The following MYT1L variants were observed in gnomAD, a reference collection of about 807,000 sequenced individuals.
MYT1L encodes myelin transcription factor 1 like.
In MYT1L, 12 loss-of-function variants were observed where a neutral mutation model predicts 126.7. The observed-to-expected ratio is 0.09, with a 90% confidence interval of 0.06 to 0.15. The LOEUF is 0.15. MYT1L is among the 10% of genes least tolerant of loss of function. The pLI, the probability that MYT1L is intolerant of heterozygous loss-of-function variation, is 1.00. For missense variants in MYT1L, 979 were observed against 1,585.2 expected (o/e 0.62, Z 6.49); for synonymous variants, 541 against 604.2 (o/e 0.90, Z 1.53).
At chr2:1,907,223 C>A (rs1263409952) in intron 13 of MYT1L, among the ~76,000 whole-genome samples, 3 of 151,440 alleles carry the variant, frequency 2.0e-5, no homozygotes, top group African/African-American at 7.3e-5. Context: ...ACACTCCAGG[C>A]TATGGAATTC....
intron 5 of MYT1L, among the ~76,000 whole-genome samples, chr2:1,991,938 T>C (rs1173075298): frequency 1.3e-5 from 2 of 152,286 alleles, no homozygotes; most frequent in East Asian, 3.9e-4. Flanking sequence ...TCAGAGGACA[T>C]CATAGCTGCC....
chr2:2,183,366 A>C (rs1430661849), intron 2 of MYT1L, among the ~76,000 whole-genome samples: 1 of 152,098 alleles, frequency 6.6e-6, no homozygotes, highest in Non-Finnish European at 1.5e-5. Flanking sequence ...ATAAGTTCCC[A>C]CGGGAGGGGA....
intron 3 of MYT1L, among the ~76,000 whole-genome samples, chr2:2,097,241 G>A (rs901092329): frequency 6.6e-6 from 1 of 152,250 alleles, no homozygotes; most frequent in East Asian, 1.9e-4. Context: ...TTCCTGCTTT[G>A]CTACACGGCA....
chr2:2,116,399 C>T (rs187900967), intron 3 of MYT1L, among the ~76,000 whole-genome samples: 3 of 152,240 alleles, frequency 2.0e-5, no homozygotes, highest in African/African-American at 7.2e-5. Flanking sequence ...TCTGCCCTTG[C>T]TCCCAGGAGA....
At chr2:2,021,796 C>A (rs2065057211) in intron 4 of MYT1L, among the ~76,000 whole-genome samples, 1 of 152,088 alleles carries the variant, frequency 6.6e-6, no homozygotes, top group South Asian at 2.1e-4. Flanking sequence ...ACTCAGGAGG[C>A]TGAGGCAGGA....
rs2053054629 is a variant in MYT1L at position 1,917,724 on chromosome 2, C to T, written c.1484-385G>A. On this transcript the variant is annotated intron_variant, in intron 10 of 24. Transcript: ENST00000647738. The surrounding 1 kb of genome is among the most constrained non-coding windows in gnomAD (Gnocchi z 5.9). ...GTGCCATCATCATTCAGCAATTTTC[C>T]ATGAAATTCAACCAGAGAGTGTCAT... 6.6e-6 allele frequency among the ~76,000 whole-genome samples: 1 copy of T among 152,166 alleles called. No homozygotes were observed. Among genetic ancestry groups the T allele is most frequent in the Admixed American group, 6.5e-5 (1 of 15,282 alleles).
At chr2:2,330,197 G>T (rs1039992768) in intron 1 of MYT1L, among the ~76,000 whole-genome samples, 2 of 151,894 alleles carry the variant, frequency 1.3e-5, no homozygotes, top group African/African-American at 4.8e-5. Context: ...GAACAAAAAG[G>T]CTCTTATATA....
At chr2:2,136,323 T>C (rs1393205705) in intron 3 of MYT1L, among the ~76,000 whole-genome samples, 1 of 152,216 alleles carries the variant, frequency 6.6e-6, no homozygotes, top group African/African-American at 2.4e-5. Flanking sequence ...AGTTAATATG[T>C]TACCAAGGAG....
chr2:1,829,146 C>G (rs1440698609), intron 21 of MYT1L, among the ~76,000 whole-genome samples: 3 of 152,106 alleles, frequency 2.0e-5, no homozygotes, highest in African/African-American at 7.2e-5. Flanking sequence ...CGTTGGGCCT[C>G]TCACCTCTGG....
chr2:2,229,045 A>G (rs73179711), intron 2 of MYT1L, among the ~76,000 whole-genome samples: 3 of 152,140 alleles, frequency 2.0e-5, no homozygotes, highest in African/African-American at 7.2e-5. Flanking sequence ...GGTATTTTCT[A>G]TGCCTTTACA....
intron 8 of MYT1L, among the ~76,000 whole-genome samples, chr2:1,955,042 C>T (rs1160694504): frequency 6.6e-6 from 1 of 151,842 alleles, no homozygotes; most frequent in African/African-American, 2.4e-5. Context: ...ATCCCAGCTA[C>T]TCAGGAGGCT....
chr2:1,898,410 C>G (rs1210686885), intron 14 of MYT1L, among the ~76,000 whole-genome samples: 1 of 152,176 alleles, frequency 6.6e-6, no homozygotes, highest in Non-Finnish European at 1.5e-5. Flanking sequence ...AGCTTTCTAG[C>G]CTGTGGGATG....
intron 2 of MYT1L, among the ~76,000 whole-genome samples, chr2:2,264,311 G>A (rs553584607): frequency 1.3e-5 from 2 of 152,146 alleles, no homozygotes; most frequent in Admixed American, 1.3e-4. Flanking sequence ...GAGGCCCTGG[G>A]TCTGATGCCT....
intron 8 of MYT1L, among the ~76,000 whole-genome samples, chr2:1,966,581 A>G (rs1160066451): frequency 6.6e-6 from 1 of 152,136 alleles, no homozygotes; most frequent in Non-Finnish European, 1.5e-5. Context: ...ACGAAAAGAC[A>G]CAAACATTGT....
At chr2:1,999,873 G>C (rs898214970) in intron 4 of MYT1L, among the ~76,000 whole-genome samples, 1 of 152,180 alleles carries the variant, frequency 6.6e-6, no homozygotes, top group Admixed American at 6.5e-5. Flanking sequence ...TGAATGACAA[G>C]CAAAGTATGC....
intron 2 of MYT1L, among the ~76,000 whole-genome samples, chr2:2,174,681 T>TTA (rs1337791521): frequency 2.0e-5 from 3 of 152,076 alleles, no homozygotes; most frequent in African/African-American, 7.3e-5. Context: ...CTCAATCAGA[T>TTA]TATACTAAGG....
At chr2:2,033,913 G>A (rs2066705136) in intron 4 of MYT1L, among the ~76,000 whole-genome samples, 2 of 152,150 alleles carry the variant, frequency 1.3e-5, no homozygotes, top group South Asian at 4.1e-4. Flanking sequence ...TCACTCTAGA[G>A]TCAAGTCATG....
chr2:2,103,158 C>T (rs72767374), intron 3 of MYT1L, among the ~76,000 whole-genome samples: 56 of 152,278 alleles, frequency 3.7e-4, no homozygotes, highest in Non-Finnish European at 7.8e-4. Context: ...TCAAAGAAAT[C>T]TCTGCACGTG....
chr2:2,113,607 A>G (rs1394622693), intron 3 of MYT1L, among the ~76,000 whole-genome samples: 6 of 152,176 alleles, frequency 3.9e-5, no homozygotes, highest in Non-Finnish European at 7.3e-5. Flanking sequence ...AAACTGGGCC[A>G]CTTTTAAGTG....
Sources: allele counts gnomAD v4.1 joint callset (sites outside exome capture counted in the v4.1 genomes callset), GRCh38; gene constraint gnomAD v4.1.1; non-coding constraint Gnocchi (gnomAD v3.1); transcripts MANE v1.5; gene names NCBI Gene and HGNC (gene_info 2026-07-23, HGNC 2026-07-21).